Variants in POLR2F observed in about 807,000 individuals in gnomAD.
The protein encoded by POLR2F is DNA-directed RNA polymerases I, II, and III subunit RPABC2.
Under a neutral mutation model 22.7 loss-of-function variants are expected in POLR2F, and 12 were observed. The observed-to-expected ratio is 0.53, with a 90% confidence interval of 0.34 to 0.86. The LOEUF (loss-of-function observed/expected upper bound fraction) is 0.86. Ranked by LOEUF, POLR2F falls within the 40% of genes least tolerant of loss-of-function variation. The pLI is 0.02. For synonymous variants in POLR2F, 57 were observed against 66.0 expected (o/e 0.86, Z 0.66); for missense variants, 126 against 171.5 (o/e 0.73, Z 1.48).
At chr22:37,958,122 C>T (rs1345783518) in intron 2 of POLR2F, among the ~76,000 whole-genome samples, 4 of 151,998 alleles carry the variant, frequency 2.6e-5, no homozygotes, top group Non-Finnish European at 4.4e-5. Flanking sequence ...AGTGATCCTT[C>T]CAGTTCAGCC....
intron 1 of POLR2F, among the ~76,000 whole-genome samples, chr22:37,989,722 G>A (rs1932682609): frequency 3.3e-5 from 5 of 152,352 alleles, no homozygotes; most frequent in African/African-American, 2.4e-5. Context: ...AATGATGACA[G>A]GGTGTGGACT....
chr22:37,957,872 A>C (rs1052077374), intron 2 of POLR2F, among the ~76,000 whole-genome samples: 1 of 152,138 alleles, frequency 6.6e-6, no homozygotes, highest in African/African-American at 2.4e-5. Flanking sequence ...ACTTGCCCAC[A>C]TGCTCAGTTA....
At chr22:38,008,243 A>G (rs1431877150) in intron 1 of POLR2F, among the ~76,000 whole-genome samples, 2 of 151,958 alleles carry the variant, frequency 1.3e-5, no homozygotes, top group African/African-American at 2.4e-5. Flanking sequence ...GTCTCAAAAC[A>G]AAACAAAAAA....
rs1932578334 is a variant in POLR2F, at chr22:37,986,339, C to A, written c.120+27C>A. The stretch of plus-strand genomic sequence containing the variant: ...TGGGTCCCCACTCATCCTTCCACCC[C>A]TCAGTTCCTCCTCTTTGAGGAAAGG... On this transcript the variant is annotated intron_variant, in intron 1 of 2. Coordinates refer to the POLR2F transcript ENST00000333418. The surrounding 1 kb of genome is among the most constrained non-coding windows in gnomAD (Gnocchi z 4.7). 6.5e-7 allele frequency: 1 copy of A among 1,532,046 alleles called. No individual in the cohort carries two copies. The highest frequency in any genetic ancestry group is 8.7e-7 in the Non-Finnish European group (1 of 1,143,896). The allele number at this position is 1,532,046 out of a possible 1,614,324, so 94.9% of individuals were successfully genotyped here. A position where few individuals can be genotyped will look rare whatever the true frequency, so the allele number is the denominator to read the frequency against.
chr22:37,953,843 T>A (rs768609506), intron 1 of POLR2F, 36 bp downstream of exon 1: 2 of 1,602,026 alleles, frequency 1.2e-6, no homozygotes, highest in Non-Finnish European at 1.7e-6. Flanking sequence ...TGCGGCAACC[T>A]TGGAAGGGGC....
At chr22:37,957,614 C>A (rs1242859576) in intron 2 of POLR2F, among the ~76,000 whole-genome samples, 1 of 152,142 alleles carries the variant, frequency 6.6e-6, no homozygotes, top group Non-Finnish European at 1.5e-5. Context: ...CTTTCAGATA[C>A]CTTTTCACTT....
chr22:38,000,148 C>T (rs1469203029), intron 1 of POLR2F, among the ~76,000 whole-genome samples: 1 of 152,222 alleles, frequency 6.6e-6, no homozygotes, highest in African/African-American at 2.4e-5. Context: ...CGGCATGGTG[C>T]AGGCACAGTG....
At chr22:37,987,562 A>T (rs974390148) in intron 1 of POLR2F, 1 of 343,432 alleles carries the variant, frequency 2.9e-6, no homozygotes, top group Non-Finnish European at 5.7e-6. Context: ...TGAAGGATAC[A>T]CTGAGATGAA....
rs764823401 is a variant in POLR2F at position 37,986,566 on chromosome 22, C to T, written c.120+254C>T. On this transcript the variant is annotated intron_variant, in intron 1 of 2. Transcript: ENST00000333418. The surrounding 1 kb of genome is among the most constrained non-coding windows in gnomAD (Gnocchi z 4.7). ...GGGTGGGGGTAGCAGTGGGCACGCT[C>T]TGTCTGCAGGAAGCCACGCTAGACA... 4 of 828,766 alleles carry T rather than the reference C, an allele frequency of 4.8e-6. No homozygotes were observed. Among genetic ancestry groups the T allele is most frequent in the Admixed American group, 2.0e-5 (1 of 49,952 alleles). 51.3% of individuals were successfully genotyped at this position (828,766 alleles called of 1,614,324 possible). A position where few individuals can be genotyped will look rare whatever the true frequency, so the allele number is the denominator to read the frequency against.
intron 3 of POLR2F, among the ~76,000 whole-genome samples, chr22:37,961,386 G>T (rs1487681096): frequency 6.6e-6 from 1 of 152,158 alleles, no homozygotes; most frequent in Non-Finnish European, 1.5e-5. Flanking sequence ...ATGTGAGGTA[G>T]ACTATGGCCA....
At chr22:38,021,554 T>C (rs1469537735) in intron 1 of POLR2F, among the ~76,000 whole-genome samples, 1 of 152,162 alleles carries the variant, frequency 6.6e-6, no homozygotes, top group Non-Finnish European at 1.5e-5. Flanking sequence ...CCTCCCAGGC[T>C]CAGGTGATGC....
At position 38,031,906 on chromosome 22, in the gene POLR2F, A is replaced by C. The variant is rs2085069503; in HGVS notation, c.453-9162A>C. Among the ~76,000 whole-genome samples, 1 of 151,712 alleles carries C rather than the reference A, an allele frequency of 6.6e-6. No individual in the cohort carries two copies. Among genetic ancestry groups the C allele is most frequent in the South Asian group, 2.1e-4 (1 of 4,802 alleles). ...GCCATGACAATTTTTCCTTCCAAACACATCCGTAGTCCCCTCCCCAGCATT... is the reference window on the plus strand; with the variant it reads ...GCCATGACAATTTTTCCTTCCAAACCCATCCGTAGTCCCCTCCCCAGCATT... On this transcript the variant is annotated intron_variant, in intron 5 of 5. Transcript: ENST00000407936. This position sits in a 1 kb window ranked among gnomAD's most constrained non-coding sequence, Gnocchi z 4.1.
At chr22:38,000,469 G>A (rs1291980636) in intron 1 of POLR2F, among the ~76,000 whole-genome samples, 1 of 152,176 alleles carries the variant, frequency 6.6e-6, no homozygotes, top group Non-Finnish European at 1.5e-5. Context: ...GAGGACACAC[G>A]GAGAAAGAAG....
downstream of POLR2F, among the ~76,000 whole-genome samples, chr22:37,970,163 G>A (rs138694643): frequency 4.8e-3 from 734 of 151,832 alleles, 6 homozygotes; most frequent in African/African-American, 0.017. Context: ...GTGTGGTGGC[G>A]GGCGCCTGTA....
intron 1 of POLR2F, among the ~76,000 whole-genome samples, chr22:38,020,192 CACACACACATATAT>C (rs1270400538): frequency 1.5e-5 from 2 of 134,914 alleles, no homozygotes; most frequent in South Asian, 2.5e-4. Context: ...CTGCTAAATA[CACACACACATATAT>C]ACACACACAC....
intron 1 of POLR2F, among the ~76,000 whole-genome samples, chr22:38,019,412 G>T (rs946465200): frequency 2.6e-5 from 4 of 152,204 alleles, no homozygotes; most frequent in African/African-American, 9.6e-5. Context: ...GGAGCAGCCC[G>T]CCCTGGAGCA....
intron 5 of POLR2F, chr22:38,040,329 G>A (rs1220703357): frequency 1.4e-5 from 2 of 144,608 alleles, no homozygotes; most frequent in African/African-American, 5.2e-5. Context: ...GGGTAGGAAA[G>A]CAGATGTGAA....
In POLR2F at chr22:38,019,681, G is replaced by A. The variant is rs190659443; in HGVS notation, c.121-6188G>A. Among the ~76,000 whole-genome samples, 72 of 152,350 alleles carry A rather than the reference G, an allele frequency of 4.7e-4. 1 individual carries two copies. In the East Asian group the frequency reaches 8.9e-3, roughly 19 times the overall value. On this transcript the variant is annotated intron_variant, in intron 1 of 2. Transcript: ENST00000333418. ...GGTGGCATTCCCTCCTCACGTGGGC[G>A]GGGCCCACAGCAGTCCAAGTCTTCC...
At chr22:37,956,555 T>G (rs916550022) in intron 1 of POLR2F, among the ~76,000 whole-genome samples, 5 of 151,754 alleles carry the variant, frequency 3.3e-5, no homozygotes, top group African/African-American at 1.2e-4. Flanking sequence ...TAGCTGGTAT[T>G]ACAGACATGT....
Sources: gnomAD v4.1 joint callset for allele counts (sites outside exome capture counted in the v4.1 genomes callset) on GRCh38, gnomAD v4.1.1 for gene constraint, Gnocchi (gnomAD v3.1) non-coding constraint, MANE v1.5 for transcripts, NCBI Gene and HGNC (gene_info 2026-07-23, HGNC 2026-07-21) for gene names.